HIBADH: variants seen among roughly 807,000 people sequenced by gnomAD.
HIBADH encodes 3-hydroxyisobutyrate dehydrogenase.
A neutral mutation model predicts 36.1 loss-of-function variants in HIBADH; 25 were observed. That is an observed-to-expected ratio of 0.69 (90% CI 0.50 to 0.97). The LOEUF is 0.97. Ranked by LOEUF, HIBADH falls within the 50% of genes least tolerant of loss-of-function variation. HIBADH has a pLI of 0.00. For synonymous variants in HIBADH, 160 were observed against 149.5 expected (o/e 1.07, Z -0.51); for missense variants, 421 against 418.0 (o/e 1.01, Z -0.06).
At chr7:27,582,467 T>C (rs1784807894) in intron 4 of HIBADH, among the ~76,000 whole-genome samples, 1 of 152,178 alleles carries the variant, frequency 6.6e-6, no homozygotes, top group South Asian at 2.1e-4. Context: ...AGTAAGGGAT[T>C]GTGGGACTAT....
chr7:27,561,751 T>C (rs1283614869), intron 4 of HIBADH, among the ~76,000 whole-genome samples: 2 of 152,186 alleles, frequency 1.3e-5, no homozygotes, highest in Non-Finnish European at 2.9e-5. Context: ...CTTGTGGTTC[T>C]ACAATTTTTT....
At chr7:27,634,609 T>G (rs1478931284) in intron 2 of HIBADH, among the ~76,000 whole-genome samples, 1 of 152,244 alleles carries the variant, frequency 6.6e-6, no homozygotes. Context: ...CATACTTTCC[T>G]TCTATTGCAG....
At chr7:27,575,473 C>T (rs1022831425) in intron 4 of HIBADH, among the ~76,000 whole-genome samples, 1 of 151,908 alleles carries the variant, frequency 6.6e-6, no homozygotes, top group Admixed American at 6.5e-5. Flanking sequence ...GAATGGCAGG[C>T]TGAGAAGGAA....
chr7:27,605,480 G>C (rs1185166292), intron 4 of HIBADH, among the ~76,000 whole-genome samples: 1 of 54,418 alleles, frequency 1.8e-5, no homozygotes, highest in African/African-American at 7.8e-5. Flanking sequence ...TTTTTTACAA[G>C]ACCCAGGGAG....
chr7:27,578,666 G>A (rs181058148), intron 4 of HIBADH, among the ~76,000 whole-genome samples: 1 of 152,100 alleles, frequency 6.6e-6, no homozygotes, highest in African/African-American at 2.4e-5. Flanking sequence ...ATTATATTTA[G>A]AGCGCATATT....
At chr7:27,527,932 T>TG (rs1187522088) in intron 7 of HIBADH, among the ~76,000 whole-genome samples, 1 of 129,794 alleles carries the variant, frequency 7.7e-6, no homozygotes, top group African/African-American at 3.1e-5. Flanking sequence ...TTTTTTTTTT[T>TG]TTTTTTTTTT....
At chr7:27,631,201 G>A (rs148117778) in intron 3 of HIBADH, among the ~76,000 whole-genome samples, 11 of 152,134 alleles carry the variant, frequency 7.2e-5, no homozygotes, top group Admixed American at 7.2e-4. Flanking sequence ...GGTAAAGCAG[G>A]ACCATAACTG....
intron 2 of HIBADH, among the ~76,000 whole-genome samples, chr7:27,638,283 A>C (rs1785883007): frequency 8.3e-6 from 1 of 120,894 alleles, no homozygotes; most frequent in Non-Finnish European, 1.6e-5. Flanking sequence ...CTGCACACCT[A>C]TACCCATCTG....
chr7:27,645,382 T>TTGTTTGTTTTTTTTTTG (rs1554300969), intron 2 of HIBADH, among the ~76,000 whole-genome samples: 10 of 129,104 alleles, frequency 7.7e-5, no homozygotes, highest in African/African-American at 3.1e-4. Context: ...TTTTTTTTTT[T>TTGTTTGTTTTTTTTTTG]TTTTTTTTTT....
intron 4 of HIBADH, among the ~76,000 whole-genome samples, chr7:27,596,870 A>T (rs1785041957): frequency 1.3e-5 from 2 of 152,196 alleles, no homozygotes; most frequent in Non-Finnish European, 2.9e-5. Flanking sequence ...GATTTGGAGC[A>T]TTTCAAATTT....
chr7:27,647,099 C>T lies in HIBADH; in HGVS notation c.252+2374G>A, dbSNP rs970123104. Among the ~76,000 whole-genome samples, 6 of 152,120 alleles carry T rather than the reference C, an allele frequency of 3.9e-5. No homozygotes were observed. In the South Asian group the frequency reaches 1.0e-3, roughly 26 times the overall value. ...AAAATAGAACAATTATAACAATATG[C>T]GAGCAACACTACTCTTGCGCTTTGG... On this transcript the variant is annotated intron_variant, in intron 2 of 7. Coordinates refer to ENST00000265395, the MANE Select transcript of HIBADH (RefSeq NM_152740.4).
intron 2 of HIBADH, among the ~76,000 whole-genome samples, chr7:27,637,161 T>A (rs533325929): frequency 7.7e-4 from 117 of 152,302 alleles, no homozygotes; most frequent in Non-Finnish European, 1.4e-3. Context: ...TGTGCCAGGT[T>A]CTTTTGGGCT....
At chr7:27,565,090 T>C (rs1784526089) in intron 4 of HIBADH, among the ~76,000 whole-genome samples, 1 of 152,112 alleles carries the variant, frequency 6.6e-6, no homozygotes, top group Non-Finnish European at 1.5e-5. Context: ...CCCAACTACC[T>C]GCATTATAGA....
At chr7:27,654,205 TAATTTAAAA>T (rs754688078) in intron 1 of HIBADH, among the ~76,000 whole-genome samples, 10 of 151,638 alleles carry the variant, frequency 6.6e-5, no homozygotes, top group Non-Finnish European at 1.5e-4. Flanking sequence ...AAGAAAAAAA[TAATTTAAAA>T]AATAAAGAGA....
intron 4 of HIBADH, among the ~76,000 whole-genome samples, chr7:27,624,647 T>C (rs1249726801): frequency 6.6e-6 from 1 of 152,236 alleles, no homozygotes; most frequent in African/African-American, 2.4e-5. Flanking sequence ...TATTTCCCTC[T>C]TGAAATATAT....
At chr7:27,597,224 G>A (rs1192596068) in intron 4 of HIBADH, among the ~76,000 whole-genome samples, 2 of 152,186 alleles carry the variant, frequency 1.3e-5, no homozygotes, top group Non-Finnish European at 2.9e-5. Context: ...TCTGTAAGAT[G>A]ACAGAAACAT....
Position 27,526,213 on chromosome 7 carries a change from C to T in HIBADH, c.*1G>A. On this transcript the variant is annotated 3_prime_UTR_variant, in exon 8 of 8. Coordinates refer to ENST00000265395, the MANE Select transcript of HIBADH (RefSeq NM_152740.4). ...ACAGTGTCCGTGGCCAAAGGGCACACTCAGAAGGTCTCCTCCTCTCGTAGG... is the reference window on the plus strand; with the variant it reads ...ACAGTGTCCGTGGCCAAAGGGCACATTCAGAAGGTCTCCTCCTCTCGTAGG... 1 of 1,606,912 alleles carries T rather than the reference C, an allele frequency of 6.2e-7. No individual in the cohort carries two copies. The highest frequency in any genetic ancestry group is 1.1e-5 in the South Asian group (1 of 89,626).
At chr7:27,653,501 C>T (rs1190498150) in intron 1 of HIBADH, among the ~76,000 whole-genome samples, 3 of 151,960 alleles carry the variant, frequency 2.0e-5, no homozygotes, top group Non-Finnish European at 4.4e-5. Flanking sequence ...TTTGGGAGGC[C>T]GAGACGGGCG....
chr7:27,648,268 C>T (rs1345081896), intron 2 of HIBADH, among the ~76,000 whole-genome samples: 1 of 152,160 alleles, frequency 6.6e-6, no homozygotes, highest in Non-Finnish European at 1.5e-5. Flanking sequence ...GCCTGTAAGC[C>T]TGCTATACTG....
Sources: gnomAD v4.1 joint callset for allele counts (sites outside exome capture counted in the v4.1 genomes callset) on GRCh38, gnomAD v4.1.1 for gene constraint, MANE v1.5 for transcripts, NCBI Gene and HGNC (gene_info 2026-07-23, HGNC 2026-07-21) for gene names.